The following BMERB1 variants were observed in gnomAD, a reference collection of about 807,000 sequenced individuals.
BMERB1 encodes bMERB domain-containing protein 1.
A neutral mutation model predicts 23.6 loss-of-function variants in BMERB1; 12 were observed. That is an observed-to-expected ratio of 0.51 (90% confidence interval 0.33 to 0.82). The LOEUF (loss-of-function observed/expected upper bound fraction) is 0.82, where lower values mean the gene tolerates loss of function less well. BMERB1 is among the 40% of genes least tolerant of loss of function. BMERB1 has a pLI of 0.03. For missense variants in BMERB1, 247 were observed against 255.4 expected (o/e 0.97, Z 0.22); for synonymous variants, 122 against 96.6 (o/e 1.26, Z -1.54).
chr16:15,521,161 T>C (rs2051848650), intron 2 of BMERB1, among the ~76,000 whole-genome samples: 1 of 152,250 alleles, frequency 6.6e-6, no homozygotes, highest in Admixed American at 6.5e-5. Flanking sequence ...AATTAAAATC[T>C]TCCTTGGCAA....
chr16:15,578,947 A>G (rs2030941109), intron 3 of BMERB1, among the ~76,000 whole-genome samples: 1 of 152,152 alleles, frequency 6.6e-6, no homozygotes, highest in Non-Finnish European at 1.5e-5. Context: ...TGACTTGGAG[A>G]CTTGGGCTAG....
intron 1 of BMERB1, among the ~76,000 whole-genome samples, chr16:15,496,038 G>A (rs778861609): frequency 6.6e-6 from 1 of 151,850 alleles, no homozygotes; most frequent in Non-Finnish European, 1.5e-5. Flanking sequence ...TGATGAAAGG[G>A]GTGGTAATGA....
At chr16:15,523,711 A>C (rs112787337) in intron 2 of BMERB1, among the ~76,000 whole-genome samples, 2,691 of 152,274 alleles carry the variant, frequency 0.018, 80 homozygotes, top group African/African-American at 0.062. Context: ...GCATCATAGC[A>C]AGGGATGAAA....
chr16:15,483,131 G>T (rs1051612254), intron 1 of BMERB1, among the ~76,000 whole-genome samples: 1 of 152,024 alleles, frequency 6.6e-6, no homozygotes, highest in Non-Finnish European at 1.5e-5. Flanking sequence ...TATGATCCTA[G>T]TCCCAAATCA....
intron 2 of BMERB1, among the ~76,000 whole-genome samples, chr16:15,565,909 C>T (rs1299991460): frequency 6.6e-6 from 1 of 152,216 alleles, no homozygotes; most frequent in Admixed American, 6.5e-5. Flanking sequence ...CTGTGTATCA[C>T]GGGGAAGTTA....
In BMERB1 at chr16:15,434,860, G is replaced by A. The variant is rs192435216; in HGVS notation, c.106+101G>A. 7.3e-4 allele frequency: 718 copies of A among 984,612 alleles called. 4 individuals are homozygous for A. In the African/African-American group the frequency reaches 0.01, roughly 14 times the overall value. The allele number at this position is 984,612 out of a possible 1,614,324, so 61.0% of individuals were successfully genotyped here. ...GCGAGGAACGCCAGCAGTGGACCCA[G>A]GGAAGCGCCCCCGCAGCGGGGCTGG... is the stretch of plus-strand genomic sequence containing the variant. On this transcript the variant is annotated intron_variant, in intron 1 of 5. Coordinates refer to ENST00000300006, the MANE Select transcript of BMERB1 (RefSeq NM_033201.3).
chr16:15,587,156 G>T lies in BMERB1; in HGVS notation c.*327G>T, dbSNP rs996562469. 3.2e-6 allele frequency: 1 copy of T among 309,130 alleles called. No homozygotes were observed. Among genetic ancestry groups the T allele is most frequent in the South Asian group, 4.3e-5 (1 of 23,210 alleles). 19.1% of individuals were successfully genotyped at this position (309,130 alleles called of 1,614,324 possible). ...TCTAGCTGTATCTAACCCACCGTGT[G>T]AATGAACTGGGAGAGGGGCATGCTC... On this transcript the variant is annotated 3_prime_UTR_variant, in exon 6 of 6. Coordinates refer to ENST00000300006, the MANE Select transcript of BMERB1 (RefSeq NM_033201.3).
At chr16:15,460,235 A>G (rs1163939510) in intron 1 of BMERB1, among the ~76,000 whole-genome samples, 3 of 152,182 alleles carry the variant, frequency 2.0e-5, no homozygotes, top group Admixed American at 6.6e-5. Flanking sequence ...GAGAAGTACT[A>G]TGAGGACTAA....
At chr16:15,520,582 C>T (rs1052644326) in intron 2 of BMERB1, among the ~76,000 whole-genome samples, 1 of 150,866 alleles carries the variant, frequency 6.6e-6, no homozygotes, top group African/African-American at 2.4e-5. Context: ...CTCCCGGGTT[C>T]ACGCCATTCT....
At chr16:15,542,833 G>A (rs1468852260) in intron 2 of BMERB1, among the ~76,000 whole-genome samples, 1 of 152,132 alleles carries the variant, frequency 6.6e-6, no homozygotes, top group East Asian at 1.9e-4. Context: ...CCTTGCAGGA[G>A]GGGGAGCATG....
At chr16:15,497,338 G>A (rs1462750233) in intron 1 of BMERB1, among the ~76,000 whole-genome samples, 1 of 152,194 alleles carries the variant, frequency 6.6e-6, no homozygotes, top group Non-Finnish European at 1.5e-5. Context: ...CGATGAATGA[G>A]GGGTCTGGCA....
At chr16:15,506,757 T>C (rs896912853) in intron 1 of BMERB1, among the ~76,000 whole-genome samples, 2 of 152,176 alleles carry the variant, frequency 1.3e-5, no homozygotes, top group Non-Finnish European at 2.9e-5. Flanking sequence ...GTTTCTTCCT[T>C]GCTACCTCTA....
intron 1 of BMERB1, among the ~76,000 whole-genome samples, chr16:15,494,441 T>A (rs1473712179): frequency 6.6e-6 from 1 of 152,048 alleles, no homozygotes; most frequent in Non-Finnish European, 1.5e-5. Context: ...TAATGTAAAA[T>A]GACATTACAA....
At chr16:15,574,751 C>T (rs1367567812) in intron 3 of BMERB1, among the ~76,000 whole-genome samples, 1 of 152,184 alleles carries the variant, frequency 6.6e-6, no homozygotes, top group Non-Finnish European at 1.5e-5. Flanking sequence ...TTCTAATTTG[C>T]AATTGGTTAA....
intron 1 of BMERB1, among the ~76,000 whole-genome samples, chr16:15,439,178 TAGCAAAGA>T (rs2050915536): frequency 6.6e-6 from 1 of 152,126 alleles, no homozygotes; most frequent in South Asian, 2.1e-4. Flanking sequence ...TATATCAGAG[TAGCAAAGA>T]AGGAACGTTT....
At chr16:15,498,124 G>A (rs1342364802) in intron 1 of BMERB1, among the ~76,000 whole-genome samples, 2 of 152,092 alleles carry the variant, frequency 1.3e-5, no homozygotes, top group East Asian at 1.9e-4. Context: ...AGCTTGCTGG[G>A]TCTCCTCCAG....
chr16:15,586,820 C>T lies in BMERB1; in HGVS notation c.606C>T (p.Asn202=). The T allele has an allele frequency of 6.2e-7, 1 of 1,604,406 alleles. No individual in the cohort carries two copies. The highest frequency in any genetic ancestry group is 8.5e-7 in the Non-Finnish European group (1 of 1,175,884). The change falls in exon 6 of 6, where the codon AAC becomes AAT. Residue 202 remains asparagine, a synonymous_variant. Transcript: ENST00000300006. Reference sequence around the variant, plus strand: ...ATTGTTGCGGGGCCACCCAGTGCAACATCATGTAGCCCCCACGTGGGGTGC... The same window carrying T: ...ATTGTTGCGGGGCCACCCAGTGCAATATCATGTAGCCCCCACGTGGGGTGC... ...IKDCCGATQC[N]IM is the part of the protein sequence containing the mutation.
intron 1 of BMERB1, among the ~76,000 whole-genome samples, chr16:15,456,301 C>T (rs1471984491): frequency 3.3e-5 from 5 of 150,926 alleles, no homozygotes; most frequent in Admixed American, 1.3e-4. Context: ...ATATCATGAC[C>T]ATCTTTCTAA....
chr16:15,452,282 T>TA (rs777225534), intron 1 of BMERB1, among the ~76,000 whole-genome samples: 87 of 94,980 alleles, frequency 9.2e-4, no homozygotes, highest in East Asian at 1.4e-3. Context: ...CCCTGTCTCT[T>TA]AAAAAAAAAA....
Sources: gnomAD v4.1 joint callset for allele counts (sites outside exome capture counted in the v4.1 genomes callset) on GRCh38, gnomAD v4.1.1 for gene constraint, MANE v1.5 for transcripts, NCBI Gene and HGNC (gene_info 2026-07-23, HGNC 2026-07-21) for gene names.